XYLT1: variants seen among roughly 807,000 people sequenced by gnomAD.
XYLT1 encodes the protein beta-D-xylosyltransferase 1.
In XYLT1, 36 loss-of-function variants were observed where a neutral mutation model predicts 91.3. That is an observed-to-expected ratio of 0.39 (90% CI 0.30 to 0.52). The LOEUF (loss-of-function observed/expected upper bound fraction) is 0.52. XYLT1 is among the 20% of genes least tolerant of loss of function. The pLI is 0.68. For missense variants in XYLT1, 1,242 were observed against 1,284.5 expected (o/e 0.97, Z 0.51); for synonymous variants, 588 against 532.0 (o/e 1.11, Z -1.45).
chr16:17,387,566 C>G (rs2035762043), intron 1 of XYLT1, among the ~76,000 whole-genome samples: 1 of 152,180 alleles, frequency 6.6e-6, no homozygotes, highest in African/African-American at 2.4e-5. Context: ...ATGACATTCT[C>G]CTGCCCAAAG....
At chr16:17,146,407 A>C (rs1474237986) in intron 6 of XYLT1, among the ~76,000 whole-genome samples, 1 of 152,162 alleles carries the variant, frequency 6.6e-6, no homozygotes, top group Non-Finnish European at 1.5e-5. Context: ...CAAAATGTTA[A>C]GGAGTCCTCT....
chr16:17,389,477 G>A (rs1024374462), intron 1 of XYLT1, among the ~76,000 whole-genome samples: 2 of 152,190 alleles, frequency 1.3e-5, no homozygotes, highest in African/African-American at 4.8e-5. Context: ...GAGGCAGAAG[G>A]TTGAGAAAGG....
At chr16:17,224,442 T>C (rs1370427103) in intron 3 of XYLT1, among the ~76,000 whole-genome samples, 3 of 152,230 alleles carry the variant, frequency 2.0e-5, no homozygotes, top group African/African-American at 7.2e-5. Context: ...TTTCACAGTC[T>C]TATTTCGCAG....
At chr16:17,178,881 G>A (rs2032003914) in intron 5 of XYLT1, among the ~76,000 whole-genome samples, 1 of 152,080 alleles carries the variant, frequency 6.6e-6, no homozygotes. Context: ...ACTAGCCTGG[G>A]CAACATGGCA....
At chr16:17,379,789 A>ACC (rs2035655990) in intron 1 of XYLT1, among the ~76,000 whole-genome samples, 1 of 151,400 alleles carries the variant, frequency 6.6e-6, no homozygotes. Context: ...ACACACACAC[A>ACC]CACACCCCTT....
At chr16:17,152,340 G>A (rs995418871) in intron 6 of XYLT1, among the ~76,000 whole-genome samples, 3 of 152,234 alleles carry the variant, frequency 2.0e-5, no homozygotes, top group Non-Finnish European at 2.9e-5. Context: ...TTATTTTGAC[G>A]TGGCTGCTAT....
At chr16:17,370,228 G>A (rs1250462258) in intron 1 of XYLT1, among the ~76,000 whole-genome samples, 2 of 152,184 alleles carry the variant, frequency 1.3e-5, no homozygotes, top group Non-Finnish European at 2.9e-5. Flanking sequence ...CAGACCTCAT[G>A]CCAAGGTCAG....
chr16:17,247,785 C>T (rs1433084561), intron 3 of XYLT1, among the ~76,000 whole-genome samples: 14 of 152,170 alleles, frequency 9.2e-5, no homozygotes, highest in Non-Finnish European at 2.1e-4. Context: ...GCTGGAGGCA[C>T]TGAGGATTTC....
intron 3 of XYLT1, among the ~76,000 whole-genome samples, chr16:17,220,215 A>G (rs1405965790): frequency 6.6e-6 from 1 of 152,216 alleles, no homozygotes; most frequent in Middle Eastern, 3.2e-3. Context: ...GGGTGTACCA[A>G]TGTGTAAACC....
At chr16:17,248,305 C>G (rs1249203557) in intron 3 of XYLT1, among the ~76,000 whole-genome samples, 1 of 152,202 alleles carries the variant, frequency 6.6e-6, no homozygotes, top group African/African-American at 2.4e-5. Flanking sequence ...TCCATTAAAC[C>G]TATTTTTCTT....
intron 10 of XYLT1, among the ~76,000 whole-genome samples, chr16:17,122,255 T>C (rs1183226500): frequency 6.6e-6 from 1 of 152,194 alleles, no homozygotes; most frequent in Non-Finnish European, 1.5e-5. Context: ...ACCACATCCA[T>C]GCCAACATCT....
At chr16:17,194,603 C>G (rs919193100) in intron 5 of XYLT1, among the ~76,000 whole-genome samples, 1 of 152,218 alleles carries the variant, frequency 6.6e-6, no homozygotes, top group Non-Finnish European at 1.5e-5. Flanking sequence ...AGCCACTACT[C>G]CACCCCGCCA....
intron 5 of XYLT1, among the ~76,000 whole-genome samples, chr16:17,166,128 G>A (rs559457893): frequency 1.1e-4 from 17 of 152,182 alleles, no homozygotes; most frequent in South Asian, 4.1e-4. Context: ...AACCACCAGC[G>A]GACCCTGGAA....
chr16:17,419,544 T>C (rs755917583), intron 1 of XYLT1, among the ~76,000 whole-genome samples: 107 of 152,286 alleles, frequency 7.0e-4, no homozygotes, highest in Non-Finnish European at 1.4e-3. Context: ...CACAGCATAA[T>C]ACAGTGGCCT....
At chr16:17,390,946 G>A (rs982589444) in intron 1 of XYLT1, among the ~76,000 whole-genome samples, 1 of 152,194 alleles carries the variant, frequency 6.6e-6, no homozygotes, top group Non-Finnish European at 1.5e-5. Context: ...GCTGAGGCAG[G>A]AGAATCGCTT....
At chr16:17,192,094 T>TC (rs2032322888) in intron 5 of XYLT1, among the ~76,000 whole-genome samples, 1 of 98,112 alleles carries the variant, frequency 1.0e-5, no homozygotes, top group African/African-American at 3.8e-5. Context: ...CTCTCTCTCT[T>TC]TTTTTTTTTT....
intron 5 of XYLT1, among the ~76,000 whole-genome samples, chr16:17,168,265 A>G (rs936725812): frequency 6.6e-6 from 1 of 152,216 alleles, no homozygotes; most frequent in Non-Finnish European, 1.5e-5. Flanking sequence ...GCAGCCATCA[A>G]AAGAACAAAA....
chr16:17,198,479 A>C, intron 4 of XYLT1, 65 bp from the exon 5 acceptor site: 1 of 1,495,876 alleles, frequency 6.7e-7, no homozygotes, highest in Non-Finnish European at 9.1e-7. Context: ...CATGCCCCTC[A>C]CCCCTGTCCC....
At chr16:17,264,767 G>C (rs943506757) in intron 2 of XYLT1, among the ~76,000 whole-genome samples, 1 of 151,938 alleles carries the variant, frequency 6.6e-6, no homozygotes, top group African/African-American at 2.4e-5. Flanking sequence ...AACTAACATA[G>C]AGAGAGGTTA....
Sources: allele counts gnomAD v4.1 joint callset (sites outside exome capture counted in the v4.1 genomes callset), GRCh38; gene constraint gnomAD v4.1.1; transcripts MANE v1.5; gene names NCBI Gene and HGNC (gene_info 2026-07-23, HGNC 2026-07-21).